The following SCARB1 variants were observed in gnomAD, a reference collection of about 807,000 sequenced individuals.
SCARB1 encodes the protein CD36 and LIMPII analogous 1.
Under a neutral mutation model 57.2 loss-of-function variants are expected in SCARB1, and 30 were observed. The observed-to-expected ratio is 0.52, with a 90% confidence interval of 0.39 to 0.71. The LOEUF (loss-of-function observed/expected upper bound fraction) is 0.71. Ranked by LOEUF, SCARB1 falls within the 30% of genes least tolerant of loss-of-function variation. The pLI is 0.00. For missense variants in SCARB1, 543 were observed against 671.2 expected (o/e 0.81, Z 2.11); for synonymous variants, 249 against 268.3 (o/e 0.93, Z 0.70).
In SCARB1 at chr12:124,812,458, T is replaced by C. The variant is rs1401309672; in HGVS notation, c.631-493A>G. Among the ~76,000 whole-genome samples, 3 of 152,090 alleles carry C rather than the reference T, an allele frequency of 2.0e-5. No individual in the cohort carries two copies. The highest frequency in any genetic ancestry group is 2.0e-4 in the Admixed American group (3 of 15,278). ...CCCAAGTGACCACCACAAGCGCGGG[T>C]GCCCCAGTCACCCACACTGGACGTG... On this transcript the variant is annotated intron_variant, in intron 4 of 12. Transcript: ENST00000261693. This position sits in a 1 kb window ranked among gnomAD's most constrained non-coding sequence, Gnocchi z 4.3.
chr12:124,786,152 G>T (rs1369766062), intron 11 of SCARB1: 5 of 1,547,082 alleles, frequency 3.2e-6, no homozygotes, highest in Non-Finnish European at 4.3e-6. Flanking sequence ...AGAACAGGCA[G>T]AGTAGTGGCA....
chr12:124,856,207 C>G (rs1047536695), intron 1 of SCARB1, among the ~76,000 whole-genome samples: 1 of 152,218 alleles, frequency 6.6e-6, no homozygotes, highest in Non-Finnish European at 1.5e-5. Context: ...TGCATAAACA[C>G]GTGTGTTCAT....
In SCARB1 at chr12:124,778,385, T is replaced by C. The variant is rs1368962099; in HGVS notation, c.*202A>G. ...TCAGCAGCAGCTCCATCCCTGAGTG[T>C]CTGCACAAGCCTGCACGCATGTGTG... On this transcript the variant is annotated 3_prime_UTR_variant, in exon 13 of 13. Transcript: ENST00000261693. The C allele has an allele frequency of 2.5e-6, 3 of 1,212,826 alleles. No individual in the cohort carries two copies. The highest frequency in any genetic ancestry group is 3.1e-5 in the African/African-American group (2 of 63,818). 75.1% of individuals were successfully genotyped at this position (1,212,826 alleles called of 1,614,324 possible).
In SCARB1 at chr12:124,816,486, C is replaced by T. The variant is rs111731683; in HGVS notation, c.284+1064G>A. 7.9e-5 allele frequency among the ~76,000 whole-genome samples: 12 copies of T among 152,320 alleles called. 2 individuals carry two copies. The highest frequency in any genetic ancestry group is 1.7e-4 in the African/African-American group (7 of 41,568). On this transcript the variant is annotated intron_variant, in intron 2 of 12. Transcript: ENST00000261693. ...ACGAGCGAATGAGTGAATGAGTGAACGGAATGCAGCAGCTGATTCATGTTT... is the reference window on the plus strand; with the variant it reads ...ACGAGCGAATGAGTGAATGAGTGAATGGAATGCAGCAGCTGATTCATGTTT...
intron 12 of SCARB1, among the ~76,000 whole-genome samples, chr12:124,782,014 T>C (rs893019908): frequency 6.6e-6 from 1 of 152,176 alleles, no homozygotes; most frequent in African/African-American, 2.4e-5. Context: ...CAAGCGATTC[T>C]CCTGCCTCAG....
chr12:124,840,236 C>T (rs1158230043), intron 1 of SCARB1, among the ~76,000 whole-genome samples: 1 of 151,564 alleles, frequency 6.6e-6, no homozygotes, highest in Non-Finnish European at 1.5e-5. Flanking sequence ...GGCTGGAGTA[C>T]AGTCTTGGCT....
At chr12:124,829,723 C>T (rs1161437528) in intron 1 of SCARB1, among the ~76,000 whole-genome samples, 2 of 152,192 alleles carry the variant, frequency 1.3e-5, no homozygotes, top group Non-Finnish European at 2.9e-5. Context: ...TCCGTGAGAC[C>T]TTCCCTGAGC....
chr12:124,797,927 C>T (rs1028946545), intron 8 of SCARB1, among the ~76,000 whole-genome samples: 1 of 152,224 alleles, frequency 6.6e-6, no homozygotes. Context: ...AAAACCAGAA[C>T]TACCATCGGA....
intron 7 of SCARB1, among the ~76,000 whole-genome samples, chr12:124,802,334 GAGACCTTC>G (rs1254828941): frequency 6.6e-6 from 1 of 152,164 alleles, no homozygotes; most frequent in African/African-American, 2.4e-5. Context: ...TCAACACCAA[GAGACCTTC>G]TCCTGCAGGT....
rs10846739 is a variant in SCARB1 at position 124,812,878 on chromosome 12, T to C, written c.631-913A>G. Among the ~76,000 whole-genome samples, 128,342 of 152,068 alleles carry C rather than the reference T, an allele frequency of 0.84. 56,804 individuals are homozygous for C. The highest frequency in any genetic ancestry group is 0.99 in the Non-Finnish European group (67,535 of 68,036). ...ACCAGAGCCACTACAAAGGGGAGCA[T>C]TAAAGGGACTCATGTGCAAAAACGG... On this transcript the variant is annotated intron_variant, in intron 4 of 12. Coordinates refer to ENST00000261693, the MANE Select transcript of SCARB1 (RefSeq NM_005505.5). This position sits in a 1 kb window ranked among gnomAD's most constrained non-coding sequence, Gnocchi z 4.3.
chr12:124,850,346 C>G (rs1033885898), intron 1 of SCARB1, among the ~76,000 whole-genome samples: 2 of 151,884 alleles, frequency 1.3e-5, no homozygotes, highest in Non-Finnish European at 2.9e-5. Context: ...GCACTCCAGC[C>G]CGGGCGACAG....
intron 9 of SCARB1, among the ~76,000 whole-genome samples, chr12:124,791,360 G>A (rs1949722844): frequency 6.6e-6 from 1 of 152,102 alleles, no homozygotes; most frequent in African/African-American, 2.4e-5. Context: ...AGCCACTTAC[G>A]AGCTCTGTGA....
chr12:124,827,408 G>A (rs1566211267), intron 1 of SCARB1, among the ~76,000 whole-genome samples: 1 of 143,538 alleles, frequency 7.0e-6, no homozygotes, highest in Non-Finnish European at 1.5e-5. Context: ...TTTGGTCAGG[G>A]GTTAATATTA....
At chr12:124,780,685 C>A (rs1323913358) in intron 12 of SCARB1, among the ~76,000 whole-genome samples, 6 of 152,248 alleles carry the variant, frequency 3.9e-5, no homozygotes, top group Non-Finnish European at 1.5e-5. Context: ...CTTGTCTCAT[C>A]ACCTAAAAAT....
intron 1 of SCARB1, among the ~76,000 whole-genome samples, chr12:124,860,828 C>T (rs1000636872): frequency 1.2e-4 from 18 of 152,272 alleles, no homozygotes; most frequent in South Asian, 4.1e-4. Context: ...TGAAGGAAAA[C>T]GCGGGGTAGA....
intron 1 of SCARB1, among the ~76,000 whole-genome samples, chr12:124,826,072 C>T (rs985921878): frequency 4.6e-5 from 7 of 151,960 alleles, no homozygotes; most frequent in Non-Finnish European, 1.0e-4. Context: ...GGGACTCATG[C>T]CTGTAATCCC....
chr12:124,851,251 A>G (rs1422688082), intron 1 of SCARB1, among the ~76,000 whole-genome samples: 1 of 152,182 alleles, frequency 6.6e-6, no homozygotes, highest in African/African-American at 2.4e-5. Context: ...TCTAAGCGTC[A>G]GAGGAAGCCA....
intron 1 of SCARB1, among the ~76,000 whole-genome samples, chr12:124,862,195 A>G (rs1313626632): frequency 2.0e-5 from 3 of 152,234 alleles, no homozygotes; most frequent in Non-Finnish European, 4.4e-5. Flanking sequence ...TCAGTGTAAC[A>G]GAGAAAGCCT....
rs148781638 is a variant in SCARB1 at position 124,825,807 on chromosome 12, G to A, written c.127-8100C>T. Among the ~76,000 whole-genome samples, 596 of 152,290 alleles carry A rather than the reference G, an allele frequency of 3.9e-3. 4 individuals carry two copies. Among genetic ancestry groups the A allele is most frequent in the African/African-American group, 0.014 (568 of 41,568 alleles). On this transcript the variant is annotated intron_variant, in intron 1 of 12. Coordinates refer to ENST00000261693, the MANE Select transcript of SCARB1 (RefSeq NM_005505.5). ...GAATCTTGACAGAAGGACAAATACT[G>A]CAGGACAAATACTTCCAGATTTGTC... is the stretch of plus-strand genomic sequence containing the variant.
Sources: gnomAD v4.1 joint callset for allele counts (sites outside exome capture counted in the v4.1 genomes callset) on GRCh38, gnomAD v4.1.1 for gene constraint, Gnocchi (gnomAD v3.1) non-coding constraint, MANE v1.5 for transcripts, NCBI Gene and HGNC (gene_info 2026-07-23, HGNC 2026-07-21) for gene names.